Variants in SYNE3 observed in about 807,000 individuals in gnomAD.
SYNE3 encodes the protein nesprin-3.
In SYNE3, 100 loss-of-function variants were observed where a neutral mutation model predicts 111.2. The observed-to-expected ratio is 0.90, with a 90% CI of 0.77 to 1.06. SYNE3 has a LOEUF of 1.06. Ranked by LOEUF, SYNE3 falls within the 50% of genes least tolerant of loss-of-function variation. The probability of loss-of-function intolerance (pLI) is 0.00; values close to 1 mark genes in which losing one functional copy is unlikely to be tolerated. For synonymous variants in SYNE3, 547 were observed against 533.9 expected (o/e 1.02, Z -0.34); for missense variants, 1,160 against 1,240.3 (o/e 0.94, Z 0.97).
Position 95,409,655 on chromosome 14 carries a change from G to A in SYNE3, c.*8171C>T, listed in dbSNP as rs1348133828. 4.0e-5 allele frequency: 13 copies of A among 328,546 alleles called. No individual in the cohort carries two copies. Among genetic ancestry groups the A allele is most frequent in the South Asian group, 2.5e-4 (10 of 39,434 alleles). The allele number at this position is 328,546 out of a possible 1,614,324, so 20.4% of individuals were successfully genotyped here. ...GCTGAACCATTTGCTTTTAGACCACGAGCCTGTGTTTTAATGTTCTTTTAG... is the reference window on the plus strand; with the variant it reads ...GCTGAACCATTTGCTTTTAGACCACAAGCCTGTGTTTTAATGTTCTTTTAG... On this transcript the variant is annotated 3_prime_UTR_variant, in exon 18 of 18. Transcript: ENST00000682763.
In SYNE3 at chr14:95,475,776, C is replaced by T; in HGVS notation, c.46G>A (p.Ala16Thr). 1 of 1,604,368 alleles carries T rather than the reference C, an allele frequency of 6.2e-7. No homozygotes were observed. Among genetic ancestry groups the T allele is most frequent in the Non-Finnish European group, 8.5e-7 (1 of 1,176,104 alleles). ...TGCACAGCCTTCATCCATGCCTGGG[C>T]ATCCTCCACGCTCCTGTCAAAGTCG... Reference protein sequence around the residue: ...QDDFDRSVEDAQAWMKAVQDQ... With the variant: ...QDDFDRSVEDTQAWMKAVQDQ... Residue 16 changes from alanine (A) to threonine (T), a missense_variant, in exon 2 of 18, where the codon GCC (alanine) becomes ACC (threonine). Physicochemically the swap from Ala to Thr is moderately conservative, Grantham distance 58. Coordinates refer to ENST00000682763, the MANE Select transcript of SYNE3 (RefSeq NM_152592.6).
At position 95,480,105 on chromosome 14, in the gene SYNE3, T is replaced by C. The variant is rs946281187; in HGVS notation, c.-14-4270A>G. On this transcript the variant is annotated intron_variant, in intron 1 of 17. Transcript: ENST00000682763. ...AGAACTGTGCAGTTTCCAAACAGTA[T>C]TGCAAAAGAAATGTGCTCAGGGGTA... Among the ~76,000 whole-genome samples, 5 of 152,198 alleles carry C rather than the reference T, an allele frequency of 3.3e-5. No individual in the cohort carries two copies. In the East Asian group the frequency reaches 9.6e-4, roughly 29 times the overall value.
At chr14:95,446,195 C>T (rs747524758) in intron 8 of SYNE3, 104 bp from the exon 9 acceptor site, 13 of 1,375,948 alleles carry the variant, frequency 9.4e-6, no homozygotes, top group Non-Finnish European at 1.3e-5. Context: ...AGGAAGCTCA[C>T]CTTTGTGCAG....
chr14:95,515,120 C>T lies in SYNE3; in HGVS notation c.-15+1476G>A, dbSNP rs181006632. ...CACCAACACATCCTCAGGCCTTCTT[C>T]TCAGGACCCCCAGCAAGACACGAGT... On this transcript the variant is annotated intron_variant, in intron 1 of 17. Transcript: ENST00000682763. Among the ~76,000 whole-genome samples the T allele has an allele frequency of 1.2e-4, 19 of 152,362 alleles. No individual in the cohort carries two copies. The East Asian group carries it at 3.7e-3, about 29-fold the overall frequency.
intron 8 of SYNE3, among the ~76,000 whole-genome samples, chr14:95,447,705 C>G (rs954115317): frequency 6.6e-6 from 1 of 152,142 alleles, no homozygotes; most frequent in Admixed American, 6.5e-5. Context: ...ACCTTTACCC[C>G]CTTTTCACCA....
intron 1 of SYNE3, among the ~76,000 whole-genome samples, chr14:95,503,382 G>C (rs1040214305): frequency 1.3e-5 from 2 of 152,128 alleles, no homozygotes; most frequent in African/African-American, 4.8e-5. Flanking sequence ...GTCTTACAAG[G>C]ATTCTTTCAC....
chr14:95,481,373 C>A (rs907174087), intron 1 of SYNE3, among the ~76,000 whole-genome samples: 2 of 152,084 alleles, frequency 1.3e-5, no homozygotes, highest in Admixed American at 1.3e-4. Flanking sequence ...CAGCTATGAA[C>A]CAGGAGGGTG....
At chr14:95,427,980 T>G (rs111309853) in intron 17 of SYNE3, among the ~76,000 whole-genome samples, 2,645 of 152,308 alleles carry the variant, frequency 0.017, 88 homozygotes, top group African/African-American at 0.059. Context: ...TCTAAGACGC[T>G]GATTATAAAG....
chr14:95,496,611 C>T (rs1890101825), intron 1 of SYNE3, among the ~76,000 whole-genome samples: 2 of 152,188 alleles, frequency 1.3e-5, no homozygotes, highest in African/African-American at 2.4e-5. Context: ...GGAATTCCCT[C>T]CTCCTCCCCT....
chr14:95,449,917 A>G lies in SYNE3; in HGVS notation c.1449+14T>C, dbSNP rs1229568904. ...CCCACCCCAGCCCCACCCAGTTGGC[A>G]GGACCACGGTTACCTCGATCTGGGG... is the stretch of plus-strand genomic sequence containing the variant. On this transcript the variant is annotated intron_variant, in intron 8 of 17. Coordinates refer to ENST00000682763, the MANE Select transcript of SYNE3 (RefSeq NM_152592.6). 2.6e-6 allele frequency: 4 copies of G among 1,521,340 alleles called. No individual in the cohort carries two copies. The highest frequency in any genetic ancestry group is 1.4e-5 in the African/African-American group (1 of 72,364). The allele number at this position is 1,521,340 out of a possible 1,614,324, so 94.2% of individuals were successfully genotyped here. A position where few individuals can be genotyped will look rare whatever the true frequency, so the allele number is the denominator to read the frequency against.
chr14:95,471,834 G>C (rs1888547549), intron 2 of SYNE3, among the ~76,000 whole-genome samples: 1 of 152,202 alleles, frequency 6.6e-6, no homozygotes, highest in Non-Finnish European at 1.5e-5. Flanking sequence ...GGGGAAGGTG[G>C]GGATCGGATG....
rs572324793 is a variant in SYNE3 at position 95,446,767 on chromosome 14, T to C, written c.1450-676A>G. Among the ~76,000 whole-genome samples, 3 of 152,206 alleles carry C rather than the reference T, an allele frequency of 2.0e-5. No individual in the cohort carries two copies. In the East Asian group the frequency reaches 5.8e-4, roughly 29 times the overall value. ...CCTACAATGGCAGCAGGCTGCCATA[T>C]AGCCCGAACTCTGCGCAGCCCAGGC... On this transcript the variant is annotated intron_variant, in intron 8 of 17. Transcript: ENST00000682763.
chr14:95,436,029 A>C (rs961134742), intron 15 of SYNE3, among the ~76,000 whole-genome samples: 1 of 152,216 alleles, frequency 6.6e-6, no homozygotes, highest in Non-Finnish European at 1.5e-5. Context: ...GGAATCAAGG[A>C]GCTTTAGCAA....
intron 17 of SYNE3, among the ~76,000 whole-genome samples, chr14:95,423,304 G>A (rs12587437): frequency 0.12 from 18,875 of 152,152 alleles, 1,224 homozygotes; most frequent in Non-Finnish European, 0.15. Context: ...AGGAGCGGAT[G>A]TATGACCATA....
chr14:95,506,505 G>A (rs112738261), intron 1 of SYNE3, among the ~76,000 whole-genome samples: 1,542 of 152,292 alleles, frequency 0.01, 24 homozygotes, highest in African/African-American at 0.035. Flanking sequence ...CATGAGCATC[G>A]GCCAGCAACA....
At chr14:95,475,370 G>A (rs1366402434) in intron 2 of SYNE3, among the ~76,000 whole-genome samples, 5 of 147,802 alleles carry the variant, frequency 3.4e-5, no homozygotes, top group Admixed American at 1.3e-4. Flanking sequence ...GGCTGCACGG[G>A]TCCCCCCTGC....
At position 95,455,644 on chromosome 14, in the gene SYNE3, G is replaced by C. The variant is rs1887382248; in HGVS notation, c.870C>G (p.Thr290=). 1 of 1,614,116 alleles carries C rather than the reference G, an allele frequency of 6.2e-7. No individual in the cohort carries two copies. Among genetic ancestry groups the C allele is most frequent in the South Asian group, 1.1e-5 (1 of 91,094 alleles). The change falls in exon 6 of 18, where the codon ACC becomes ACG. Residue 290 remains threonine, a synonymous_variant. Transcript: ENST00000682763. ...TGATCTTCTCTGCACCCAAAGGAGA[G>C]GTGTTCCGAATGACACCCGCAGACT... is the stretch of plus-strand genomic sequence containing the variant. The part of the protein sequence containing the change: ...EEQSAGVIRN[T]SPLGAEKITG...
chr14:95,447,705 C>A (rs954115317), intron 8 of SYNE3, among the ~76,000 whole-genome samples: 4 of 152,144 alleles, frequency 2.6e-5, no homozygotes, highest in Admixed American at 6.5e-5. Context: ...ACCTTTACCC[C>A]CTTTTCACCA....
intron 17 of SYNE3, among the ~76,000 whole-genome samples, chr14:95,427,210 C>T (rs1408243849): frequency 2.6e-5 from 4 of 152,116 alleles, no homozygotes; most frequent in East Asian, 1.9e-4. Context: ...CTAGGGGTAA[C>T]GCCAGTGTCT....
Sources: allele counts gnomAD v4.1 joint callset (sites outside exome capture counted in the v4.1 genomes callset), GRCh38; gene constraint gnomAD v4.1.1; transcripts MANE v1.5; gene names NCBI Gene and HGNC (gene_info 2026-07-23, HGNC 2026-07-21).